TEAD1: variants seen among roughly 807,000 people sequenced by gnomAD.
TEAD1 encodes transcriptional enhancer factor TEF-1.
TEAD1 carries 9 observed loss-of-function variants against 54.9 expected under a neutral mutation model. The ratio of observed to expected loss-of-function variants is 0.16; its 90% CI spans 0.10 to 0.29. The LOEUF is 0.29. TEAD1 is among the 10% of genes least tolerant of loss of function. The pLI, the probability that TEAD1 is intolerant of heterozygous loss-of-function variation, is 1.00. For synonymous variants in TEAD1, 200 were observed against 187.8 expected, an observed-to-expected ratio of 1.07 and a Z score of -0.53; for missense variants, 387 against 535.9, an observed-to-expected ratio of 0.72 and a Z score of 2.74.
chr11:12,901,595 G>C (rs1386454009), intron 9 of TEAD1, among the ~76,000 whole-genome samples: 1 of 152,172 alleles, frequency 6.6e-6, no homozygotes, highest in African/African-American at 2.4e-5. Context: ...GCTCCAAAGA[G>C]TATCACTTTC....
At chr11:12,809,997 T>G (rs1946264315) in intron 3 of TEAD1, among the ~76,000 whole-genome samples, 1 of 116,986 alleles carries the variant, frequency 8.5e-6, no homozygotes, top group Admixed American at 9.2e-5. Context: ...TTTTTTTTTT[T>G]TGAGATGGAG....
At chr11:12,924,076 C>G (rs1252660402) in intron 10 of TEAD1, among the ~76,000 whole-genome samples, 1 of 152,144 alleles carries the variant, frequency 6.6e-6, no homozygotes, top group Non-Finnish European at 1.5e-5. Flanking sequence ...CTTCTTCGCC[C>G]CCATAACCTG....
chr11:12,869,841 C>T (rs1043507206), intron 5 of TEAD1, among the ~76,000 whole-genome samples: 2 of 152,144 alleles, frequency 1.3e-5, no homozygotes, highest in African/African-American at 4.8e-5. Flanking sequence ...AAAGCTCTCT[C>T]TTCTCATTTT....
chr11:12,737,213 C>T (rs1038792181), intron 2 of TEAD1, among the ~76,000 whole-genome samples: 3 of 152,048 alleles, frequency 2.0e-5, no homozygotes, highest in African/African-American at 7.2e-5. Context: ...TCTTATCTTA[C>T]CTAGCCCAAG....
intron 9 of TEAD1, among the ~76,000 whole-genome samples, chr11:12,888,320 C>T (rs1757594817): frequency 6.6e-6 from 1 of 152,162 alleles, no homozygotes; most frequent in African/African-American, 2.4e-5. Context: ...ACCAGCCTGG[C>T]CAACATGGTG....
At chr11:12,843,315 G>A (rs1947077030) in intron 3 of TEAD1, among the ~76,000 whole-genome samples, 1 of 152,210 alleles carries the variant, frequency 6.6e-6, no homozygotes, top group African/African-American at 2.4e-5. Flanking sequence ...CGTTCCTTAT[G>A]TCACACTAAA....
chr11:12,837,997 A>G (rs1946942119), intron 3 of TEAD1, among the ~76,000 whole-genome samples: 1 of 151,854 alleles, frequency 6.6e-6, no homozygotes, highest in African/African-American at 2.4e-5. Context: ...GGTTTTCACC[A>G]TGTTGGCCAG....
At chr11:12,869,737 C>G (rs1212624044) in intron 5 of TEAD1, among the ~76,000 whole-genome samples, 1 of 152,132 alleles carries the variant, frequency 6.6e-6, no homozygotes, top group Non-Finnish European at 1.5e-5. Flanking sequence ...TCTACCCACC[C>G]TCCGTCTTCA....
chr11:12,752,423 T>A (rs1944894474), intron 2 of TEAD1, among the ~76,000 whole-genome samples: 2 of 152,110 alleles, frequency 1.3e-5, no homozygotes, highest in African/African-American at 4.8e-5. Context: ...TGCCTTCCAG[T>A]CAGTACTCCC....
chr11:12,720,368 G>T (rs1944167406), intron 2 of TEAD1, among the ~76,000 whole-genome samples: 1 of 152,110 alleles, frequency 6.6e-6, no homozygotes, highest in African/African-American at 2.4e-5. Flanking sequence ...TAGATAGTCT[G>T]CATGCTTGTG....
Position 12,689,892 on chromosome 11 carries a change from T to C in TEAD1, c.-55+14331T>C, listed in dbSNP as rs563735639. Reference sequence around the variant, plus strand: ...GTACATATTTTAAAAATATGACTCTTTTTAAAAAAAAACAACCAACTATTG... The same window carrying C: ...GTACATATTTTAAAAATATGACTCTCTTTAAAAAAAAACAACCAACTATTG... On this transcript the variant is annotated intron_variant, in intron 2 of 12. Transcript: ENST00000527636. Among the ~76,000 whole-genome samples, 4 of 146,770 alleles carry C rather than the reference T, an allele frequency of 2.7e-5. No homozygotes were observed. In the East Asian group the frequency reaches 5.8e-4, roughly 21 times the overall value.
intron 5 of TEAD1, chr11:12,878,740 G>A (rs530225745): frequency 3.0e-6 from 1 of 338,000 alleles, no homozygotes; most frequent in African/African-American, 2.2e-5. Context: ...ACACCCCTAT[G>A]CATTTTATTG....
At chr11:12,784,184 G>T (rs1455743162) in intron 3 of TEAD1, among the ~76,000 whole-genome samples, 1 of 152,140 alleles carries the variant, frequency 6.6e-6, no homozygotes, top group Non-Finnish European at 1.5e-5. Context: ...GCTCTGTAGG[G>T]TTTTCTGATG....
At chr11:12,849,606 ATTG>A (rs1194891056) in intron 3 of TEAD1, among the ~76,000 whole-genome samples, 1 of 152,198 alleles carries the variant, frequency 6.6e-6, no homozygotes, top group Admixed American at 6.5e-5. Flanking sequence ...TTGTGTAGCT[ATTG>A]TTGTAGTAGC....
intron 2 of TEAD1, among the ~76,000 whole-genome samples, chr11:12,686,334 C>T (rs1026916516): frequency 1.3e-5 from 2 of 152,114 alleles, no homozygotes; most frequent in Admixed American, 6.5e-5. Flanking sequence ...TGTCCCAGGC[C>T]ATTTCTGAGG....
chr11:12,683,375 G>T (rs1487403142), intron 2 of TEAD1, among the ~76,000 whole-genome samples: 1 of 152,152 alleles, frequency 6.6e-6, no homozygotes, highest in Non-Finnish European at 1.5e-5. Flanking sequence ...GATGGGTGTT[G>T]CCTTGAGGGT....
At chr11:12,798,955 AC>A (rs149885936) in intron 3 of TEAD1, among the ~76,000 whole-genome samples, 6 of 151,238 alleles carry the variant, frequency 4.0e-5, no homozygotes, top group African/African-American at 1.2e-4. Flanking sequence ...CAACAACAAA[AC>A]CCCCCCCAGG....
intron 2 of TEAD1, among the ~76,000 whole-genome samples, chr11:12,731,962 A>T (rs1349846217): frequency 3.3e-5 from 5 of 152,186 alleles, no homozygotes; most frequent in African/African-American, 1.2e-4. Context: ...TCTAATCAGG[A>T]TAGCCTGATA....
rs1381277898 is a variant in TEAD1, at chr11:12,901,788, A to T, written c.700-152A>T. On this transcript the variant is annotated intron_variant, in intron 9 of 12. Transcript: ENST00000527636. ...AACCCTAAGCTATAATCGCTTTTCT[A>T]AACATACTCATCATTTCAAAAGCAT... 8.1e-6 allele frequency: 7 copies of T among 866,666 alleles called. No individual in the cohort carries two copies. In the African/African-American group the frequency reaches 1.2e-4, roughly 14 times the overall value. 53.7% of individuals were successfully genotyped at this position (866,666 alleles called of 1,614,324 possible). A position where few individuals can be genotyped will look rare whatever the true frequency, so the allele number is the denominator to read the frequency against.
Sources: gnomAD v4.1 joint callset for allele counts (sites outside exome capture counted in the v4.1 genomes callset) on GRCh38, gnomAD v4.1.1 for gene constraint, MANE v1.5 for transcripts, NCBI Gene and HGNC (gene_info 2026-07-23, HGNC 2026-07-21) for gene names.